The following STRN4 variants were observed in gnomAD, a reference collection of about 807,000 sequenced individuals.
STRN4 encodes striatin 4.
STRN4 carries 27 observed loss-of-function variants against 77.9 expected under a neutral mutation model. That is an observed-to-expected ratio of 0.35 (90% confidence interval 0.26 to 0.48). The LOEUF (loss-of-function observed/expected upper bound fraction) is 0.48. STRN4 is among the 20% of genes least tolerant of loss of function. STRN4 has a pLI of 0.99. For synonymous variants in STRN4, 466 were observed against 443.1 expected (o/e 1.05, Z -0.65); for missense variants, 798 against 1,049.7 (o/e 0.76, Z 3.31).
chr19:46,728,518 A>C, intron 7 of STRN4, 100 bp downstream of exon 7: 1 of 1,423,900 alleles, frequency 7.0e-7, no homozygotes, highest in Non-Finnish European at 9.4e-7. Context: ...TCCGTCCGGT[A>C]GAGAGACCCT....
intron 6 of STRN4, among the ~76,000 whole-genome samples, chr19:46,729,113 G>A (rs1356059716): frequency 2.0e-5 from 3 of 152,242 alleles, no homozygotes; most frequent in Non-Finnish European, 2.9e-5. Flanking sequence ...GTCCGTGTGT[G>A]AATATACGGA....
In STRN4 at chr19:46,733,207, G is replaced by T. The variant is rs1306191258; in HGVS notation, c.569C>A (p.Thr190Asn). The T allele has an allele frequency of 2.5e-6, 4 of 1,610,868 alleles. No homozygotes were observed. The South Asian group carries it at 3.3e-5, about 13-fold the overall frequency. Residue 190 changes from threonine to asparagine, a missense_variant, in exon 5 of 18, where the codon ACC becomes AAC. Coordinates refer to ENST00000263280, the MANE Select transcript of STRN4 (RefSeq NM_013403.3). The surrounding 1 kb of genome is among the most constrained non-coding windows in gnomAD (Gnocchi z 4.3). ...QYLEEVGYTD[T>N]ILDMRSKRVR... ...GCGCTTGGACCGCATGTCGAGGATGGTGTCTGTGTAGCCCACCTCTTCCAG... is the reference window on the plus strand; with the variant it reads ...GCGCTTGGACCGCATGTCGAGGATGTTGTCTGTGTAGCCCACCTCTTCCAG...
intron 11 of STRN4, among the ~76,000 whole-genome samples, 171 bp from the exon 12 acceptor site, chr19:46,725,099 C>T (rs1389081800): frequency 6.6e-6 from 1 of 152,158 alleles, no homozygotes; most frequent in African/African-American, 2.4e-5. Context: ...CCTCCCCCAC[C>T]CCACCTCCAT....
At position 46,723,038 on chromosome 19, in the gene STRN4, G is replaced by A; in HGVS notation, c.1765+76C>T. The A allele has an allele frequency of 6.3e-7, 1 of 1,584,532 alleles. No individual in the cohort carries two copies. Among genetic ancestry groups the A allele is most frequent in the South Asian group, 1.1e-5 (1 of 88,900 alleles). On this transcript the variant is annotated intron_variant, in intron 13 of 17. Transcript: ENST00000263280. The surrounding 1 kb of genome is among the most constrained non-coding windows in gnomAD (Gnocchi z 5.5). The stretch of plus-strand genomic sequence containing the variant: ...GGGGGACAGTGGGTGGGAGGCCTGG[G>A]GCCTCAGCAGGAACCACTCTGATAG...
Position 46,725,617 on chromosome 19 carries a change from G to C in STRN4, c.1280C>G (p.Thr427Arg), listed in dbSNP as rs778334107. 1 of 1,614,180 alleles carries C rather than the reference G, an allele frequency of 6.2e-7. No homozygotes were observed. The highest frequency in any genetic ancestry group is 1.1e-5 in the South Asian group (1 of 91,090). The part of the protein sequence containing the change: ...LSDSKDAFKK[T>R]WNPKFTLRSH... ...GCGCAGGGTGAACTTGGGGTTCCAC[G>C]TCTTCTTAAAAGCATCTTTGCTGTC... Residue 427 changes from threonine (T) to arginine (R), a missense_variant, in exon 10 of 18, where the codon ACG becomes AGG. Transcript: ENST00000263280.
In STRN4 at chr19:46,727,503, C is replaced by T. The variant is rs2054145036; in HGVS notation, c.1197G>A (p.Leu399=). Residue 399 remains leucine (L), a synonymous_variant, in exon 9 of 18, where the codon CTG becomes CTA. Coordinates refer to ENST00000263280, the MANE Select transcript of STRN4 (RefSeq NM_013403.3). ...MDTIGGGEVS[L]GDLADLTVTN... is the part of the protein sequence containing the mutation. The stretch of plus-strand genomic sequence containing the variant: ...TGACGGTGAGATCTGCCAAGTCCCC[C>T]AGGCTCACCTCCCCGCCCCCGATAG... 6.2e-7 allele frequency: 1 copy of T among 1,614,040 alleles called. No individual in the cohort carries two copies. The highest frequency in any genetic ancestry group is 8.5e-7 in the Non-Finnish European group (1 of 1,179,964).
chr19:46,735,635 T>C (rs556707522), intron 4 of STRN4, among the ~76,000 whole-genome samples: 1 of 152,264 alleles, frequency 6.6e-6, no homozygotes, highest in South Asian at 2.1e-4. Context: ...TTTTCTAAGT[T>C]TTCTAAAATG....
At chr19:46,728,237 C>T (rs936562177) in intron 7 of STRN4, 31 of 645,732 alleles carry the variant, frequency 4.8e-5, no homozygotes, top group East Asian at 1.4e-4. Flanking sequence ...ACCCATCCCA[C>T]GTATCCTGAG....
rs761519312 is a variant in STRN4 at position 46,730,882 on chromosome 19, G to C, written c.738-9C>G. ...CTTTGCCTGCCGCGTTCCTGCCAAA[G>C]ACAGCAGAGCAGAGGAGGCATGAGT... On this transcript the variant is annotated splice_polypyrimidine_tract_variant and intron_variant, in intron 5 of 17. Transcript: ENST00000263280. The C allele has an allele frequency of 3.3e-5, 53 of 1,609,406 alleles. No individual in the cohort carries two copies. Among genetic ancestry groups the C allele is most frequent in the Admixed American group, 1.2e-4 (7 of 59,994 alleles).
At chr19:46,728,895 C>G in intron 6 of STRN4, 118 bp from the exon 7 acceptor site, 1 of 1,434,798 alleles carries the variant, frequency 7.0e-7, no homozygotes, top group Non-Finnish European at 9.3e-7. Flanking sequence ...ATGGGGCTGC[C>G]TCAGCCGCCA....
Position 46,738,938 on chromosome 19 carries a change from T to A in STRN4, c.283-50A>T. ...GGGAGATAATGGGGCTCAGGCTCAA[T>A]GCCGGTGTGTCTATCACTCACCCAG... On this transcript the variant is annotated intron_variant, in intron 1 of 17. Transcript: ENST00000263280. The surrounding 1 kb of genome is among the most constrained non-coding windows in gnomAD (Gnocchi z 4.5). 1.3e-6 allele frequency: 2 copies of A among 1,518,188 alleles called. No homozygotes were observed. Among genetic ancestry groups the A allele is most frequent in the Non-Finnish European group, 1.8e-6 (2 of 1,098,876 alleles). The allele number at this position is 1,518,188 out of a possible 1,614,324, so 94.0% of individuals were successfully genotyped here.
At chr19:46,737,663 C>T (rs903389031) in intron 3 of STRN4, among the ~76,000 whole-genome samples, 2 of 152,186 alleles carry the variant, frequency 1.3e-5, no homozygotes, top group South Asian at 2.1e-4. Context: ...TGCTGGGGAA[C>T]GGAGTCATCT....
At chr19:46,737,914 G>A (rs1243094607) in intron 3 of STRN4, among the ~76,000 whole-genome samples, 3 of 152,142 alleles carry the variant, frequency 2.0e-5, no homozygotes, top group Non-Finnish European at 4.4e-5. Flanking sequence ...AAGGGATCCC[G>A]TGAGCTGCTC....
rs2054470810 is a variant in STRN4 at position 46,741,376 on chromosome 19, G to A, written c.283-2488C>T. Among the ~76,000 whole-genome samples the A allele has an allele frequency of 6.6e-6, 1 of 152,194 alleles. No individual in the cohort carries two copies. The highest frequency in any genetic ancestry group is 2.1e-4 in the South Asian group (1 of 4,834). ...CTGTGGTCTCCCTCCTCCTAATGAG[G>A]ATGTGAGGGTCTCAGCTGCCCACTC... On this transcript the variant is annotated intron_variant, in intron 1 of 17. Transcript: ENST00000263280. This position sits in a 1 kb window ranked among gnomAD's most constrained non-coding sequence, Gnocchi z 4.9.
At chr19:46,732,840 G>C in intron 5 of STRN4, 199 bp downstream of exon 5, 1 of 634,098 alleles carries the variant, frequency 1.6e-6, no homozygotes, top group South Asian at 2.0e-5. Flanking sequence ...ATGGCGAAGT[G>C]TGTGGAGGGA....
chr19:46,722,397 A>G, intron 14 of STRN4, 57 bp from the exon 15 acceptor site: 3 of 1,555,572 alleles, frequency 1.9e-6, no homozygotes, highest in East Asian at 2.2e-5. Flanking sequence ...GGAAGACCAG[A>G]ACAGAGGCAC....
chr19:46,742,379 C>T (rs2054490388), intron 1 of STRN4, among the ~76,000 whole-genome samples: 2 of 152,036 alleles, frequency 1.3e-5, no homozygotes, highest in Admixed American at 1.3e-4. Context: ...TTAAGCTCTT[C>T]AGAGAAAAGT....
intron 17 of STRN4, 63 bp from the exon 18 acceptor site, chr19:46,720,401 A>G (rs2053949072): frequency 5.0e-6 from 3 of 604,514 alleles, no homozygotes; most frequent in Non-Finnish European, 7.5e-6. Context: ...TAAGGCCTCA[A>G]CCCCTCCCCT....
At position 46,723,025 on chromosome 19, in the gene STRN4, G is replaced by A. The variant is rs890299968; in HGVS notation, c.1766-75C>T. On this transcript the variant is annotated intron_variant, in intron 13 of 17. Transcript: ENST00000263280. The surrounding 1 kb of genome is among the most constrained non-coding windows in gnomAD (Gnocchi z 5.5). Reference sequence around the variant, plus strand: ...CCTGCCCCAGGGTGGGGGACAGTGGGTGGGAGGCCTGGGGCCTCAGCAGGA... The same window carrying A: ...CCTGCCCCAGGGTGGGGGACAGTGGATGGGAGGCCTGGGGCCTCAGCAGGA... 1 of 1,597,372 alleles carries A rather than the reference G, an allele frequency of 6.3e-7. No individual in the cohort carries two copies. The highest frequency in any genetic ancestry group is 1.7e-5 in the Admixed American group (1 of 58,852).
Sources: gnomAD v4.1 joint callset for allele counts (sites outside exome capture counted in the v4.1 genomes callset) on GRCh38, gnomAD v4.1.1 for gene constraint, Gnocchi (gnomAD v3.1) non-coding constraint, MANE v1.5 for transcripts, NCBI Gene and HGNC (gene_info 2026-07-23, HGNC 2026-07-21) for gene names.